Variants in GDPD4 observed in about 807,000 individuals in gnomAD.
The protein encoded by GDPD4 is glycerophosphodiester phosphodiesterase domain containing 4, also known as glycerophosphodiester phosphodiesterase 6.
GDPD4 carries 60 observed loss-of-function variants against 67.8 expected under a neutral mutation model. The ratio of observed to expected loss-of-function variants is 0.88; its 90% CI spans 0.72 to 1.10. The LOEUF (loss-of-function observed/expected upper bound fraction) is 1.10, where lower values mean the gene tolerates loss of function less well. GDPD4 is among the 50% of genes least tolerant of loss of function. GDPD4 has a pLI of 0.00. For synonymous variants in GDPD4, 212 were observed against 210.9 expected, an observed-to-expected ratio of 1.00 and a Z score of -0.04; for missense variants, 623 against 613.9, an observed-to-expected ratio of 1.01 and a Z score of -0.16.
At chr11:77,251,372 G>A (rs1175349382) in intron 11 of GDPD4, among the ~76,000 whole-genome samples, 1 of 152,008 alleles carries the variant, frequency 6.6e-6, no homozygotes, top group Non-Finnish European at 1.5e-5. Context: ...TCCAGATGCA[G>A]GGATCCCTTG....
chr11:77,217,104 A>T lies in GDPD4; in HGVS notation c.*173T>A. 1 of 711,580 alleles carries T rather than the reference A, an allele frequency of 1.4e-6. No individual in the cohort carries two copies. Among genetic ancestry groups the T allele is most frequent in the Middle Eastern group, 2.3e-4 (1 of 4,374 alleles). The allele number at this position is 711,580 out of a possible 1,614,324, so 44.1% of individuals were successfully genotyped here. On this transcript the variant is annotated 3_prime_UTR_variant, in exon 17 of 17. Transcript: ENST00000315938. ...TGAATCTCATGCTTGCCAGGCTTCA[A>T]AGGTGTGACAGCATTCTTGATAGGT...
Position 77,298,930 on chromosome 11 carries a change from G to T in GDPD4, c.-254+2675C>A, listed in dbSNP as rs191199802. ...TAAAACACATCTGATGAGAATTTAT[G>T]GTTTGTAGGGCATGACTCTAGGGTT... On this transcript the variant is annotated intron_variant, in intron 1 of 16. Coordinates refer to ENST00000315938, the MANE Select transcript of GDPD4 (RefSeq NM_182833.3). Among the ~76,000 whole-genome samples, 568 of 152,096 alleles carry T rather than the reference G, an allele frequency of 3.7e-3. 3 individuals carry two copies. The highest frequency in any genetic ancestry group is 4.1e-3 in the Non-Finnish European group (278 of 67,978).
intron 15 of GDPD4, 112 bp downstream of exon 15, chr11:77,229,038 G>A (rs967827265): frequency 4.6e-5 from 26 of 568,738 alleles, no homozygotes; most frequent in Admixed American, 6.6e-5. Flanking sequence ...GATTATAAAC[G>A]CCATCTTGCC....
At chr11:77,290,235 A>G (rs1009083727) in intron 1 of GDPD4, among the ~76,000 whole-genome samples, 9 of 152,232 alleles carry the variant, frequency 5.9e-5, no homozygotes, top group African/African-American at 1.7e-4. Context: ...ATAGGAGAGG[A>G]TGGCCTGAAA....
intron 7 of GDPD4, among the ~76,000 whole-genome samples, chr11:77,270,500 G>A (rs4944155): frequency 0.34 from 51,941 of 151,976 alleles, 9,144 homozygotes; most frequent in Admixed American, 0.46. Flanking sequence ...GGCGGATCAC[G>A]AGGTTAAGAG....
chr11:77,247,883 C>T (rs932196037), intron 11 of GDPD4, among the ~76,000 whole-genome samples: 10 of 151,850 alleles, frequency 6.6e-5, no homozygotes, highest in African/African-American at 2.4e-4. Context: ...GAAACCCTGT[C>T]TCTACTAAAA....
intron 10 of GDPD4, 143 bp from the exon 11 acceptor site, chr11:77,258,685 A>G (rs562373176): frequency 1.3e-5 from 9 of 676,550 alleles, no homozygotes; most frequent in African/African-American, 3.6e-5. Flanking sequence ...AAAGGGCTAC[A>G]TATCAGTCAT....
At chr11:77,293,734 G>A (rs1597954) in intron 1 of GDPD4, among the ~76,000 whole-genome samples, 29,195 of 152,078 alleles carry the variant, frequency 0.19, 3,734 homozygotes, top group Non-Finnish European at 0.27. Context: ...ATAGAATGGC[G>A]AATATTATGC....
At chr11:77,237,419 A>T (rs1015729575) in intron 13 of GDPD4, among the ~76,000 whole-genome samples, 1 of 152,188 alleles carries the variant, frequency 6.6e-6, no homozygotes, top group African/African-American at 2.4e-5. Context: ...TGAATATAAA[A>T]TTTTCAAAAA....
In GDPD4 at chr11:77,258,532, C is replaced by T. The variant is rs1392005701; in HGVS notation, c.718G>A (p.Val240Met). The change falls in exon 11 of 17, where the codon GTG becomes ATG. Residue 240 changes from valine to methionine, a missense_variant. By Grantham distance (21) the Val-to-Met change is conservative. Coordinates refer to ENST00000315938, the MANE Select transcript of GDPD4 (RefSeq NM_182833.3). Reference sequence around the variant, plus strand: ...TCAAAGTCATGCATGAGGAAAGGCACATGATCATAACTGAGGCAGAGGTAG... The same window carrying T: ...TCAAAGTCATGCATGAGGAAAGGCATATGATCATAACTGAGGCAGAGGTAG... ...ETDIHLSYDH[V>M]PFLMHDFDLK... 6.2e-7 allele frequency: 1 copy of T among 1,613,770 alleles called. No individual in the cohort carries two copies. Among genetic ancestry groups the T allele is most frequent in the African/African-American group, 1.3e-5 (1 of 74,880 alleles).
intron 1 of GDPD4, among the ~76,000 whole-genome samples, chr11:77,289,264 G>A (rs1341371730): frequency 3.3e-5 from 5 of 151,862 alleles, no homozygotes; most frequent in Admixed American, 3.3e-4. Flanking sequence ...TTGGGAGGCT[G>A]AGGCAGGAGA....
At chr11:77,297,397 G>A (rs1412302775) in intron 1 of GDPD4, among the ~76,000 whole-genome samples, 4 of 151,690 alleles carry the variant, frequency 2.6e-5, no homozygotes, top group Admixed American at 6.6e-5. Context: ...TTAGCCAGGC[G>A]CGGTGGCTGG....
At chr11:77,278,244 C>T (rs1959584370) in intron 4 of GDPD4, among the ~76,000 whole-genome samples, 1 of 152,188 alleles carries the variant, frequency 6.6e-6, no homozygotes, top group African/African-American at 2.4e-5. Flanking sequence ...GCATGAGCCA[C>T]AGTGCCTGGC....
intron 9 of GDPD4, 84 bp downstream of exon 9, chr11:77,268,840 G>A: frequency 7.3e-7 from 1 of 1,371,682 alleles, no homozygotes; most frequent in South Asian, 1.3e-5. Context: ...TCTCTCCAGG[G>A]GCTTCCATGG....
At chr11:77,217,529 T>C (rs1406673871) in intron 16 of GDPD4, among the ~76,000 whole-genome samples, 1 of 151,628 alleles carries the variant, frequency 6.6e-6, no homozygotes, top group Non-Finnish European at 1.5e-5. Context: ...TACTACTGCA[T>C]GAGGCTCTAG....
chr11:77,250,432 T>G (rs1958868725), intron 11 of GDPD4, among the ~76,000 whole-genome samples: 1 of 152,234 alleles, frequency 6.6e-6, no homozygotes, highest in Non-Finnish European at 1.5e-5. Context: ...CTCTTTTTTA[T>G]AAGTGCATAG....
At chr11:77,219,348 T>A (rs1329434874) in intron 16 of GDPD4, among the ~76,000 whole-genome samples, 1 of 152,228 alleles carries the variant, frequency 6.6e-6, no homozygotes, top group African/African-American at 2.4e-5. Context: ...TTCACTCCGA[T>A]GGCAGTTTGT....
chr11:77,218,273 T>C (rs916638993), intron 16 of GDPD4, among the ~76,000 whole-genome samples: 4 of 152,226 alleles, frequency 2.6e-5, no homozygotes, highest in Non-Finnish European at 4.4e-5. Context: ...TGATCAATCA[T>C]ATGCCTTCCC....
intron 16 of GDPD4, among the ~76,000 whole-genome samples, chr11:77,217,826 A>G (rs1033897734): frequency 1.3e-5 from 2 of 152,202 alleles, no homozygotes; most frequent in Admixed American, 1.3e-4. Flanking sequence ...TCTACCAAAG[A>G]CAAATTAAAA....
Sources: gnomAD v4.1 joint callset for allele counts (sites outside exome capture counted in the v4.1 genomes callset) on GRCh38, gnomAD v4.1.1 for gene constraint, MANE v1.5 for transcripts, NCBI Gene and HGNC (gene_info 2026-07-23, HGNC 2026-07-21) for gene names.